Variants in PDE1A observed in about 807,000 individuals in gnomAD.
PDE1A encodes dual specificity calcium/calmodulin-dependent 3',5'-cyclic nucleotide phosphodiesterase 1A.
Under a neutral mutation model 61.7 loss-of-function variants are expected in PDE1A, and 35 were observed. That is an observed-to-expected ratio of 0.57 (90% confidence interval 0.43 to 0.75). The LOEUF (loss-of-function observed/expected upper bound fraction) is 0.75, where lower values mean the gene tolerates loss of function less well. PDE1A is among the 30% of genes least tolerant of loss of function. The probability of loss-of-function intolerance (pLI) is 0.00; values close to 1 mark genes in which losing one functional copy is unlikely to be tolerated. For synonymous variants in PDE1A, 232 were observed against 213.2 expected (o/e 1.09, Z -0.77); for missense variants, 597 against 630.6 (o/e 0.95, Z 0.57).
the PDE1A span, among the ~76,000 whole-genome samples, chr2:182,645,593 T>A: frequency 3.3e-5 from 5 of 152,118 alleles, no homozygotes; most frequent in Admixed American, 2.0e-4. Flanking sequence ...GATATTCAGA[T>A]AATAATGAAA....
chr2:182,542,458 T>C, the PDE1A span, among the ~76,000 whole-genome samples: 53 of 152,314 alleles, frequency 3.5e-4, 1 homozygote, highest in African/African-American at 1.3e-3. Flanking sequence ...ATATCTTGCA[T>C]TCTGTATGAA....
At chr2:182,366,775 T>C (rs1310228802) in intron 1 of PDE1A, among the ~76,000 whole-genome samples, 1 of 152,052 alleles carries the variant, frequency 6.6e-6, no homozygotes, top group African/African-American at 2.4e-5. Context: ...CTGCTAATGT[T>C]CTTCAGTCCA....
intron 1 of PDE1A, among the ~76,000 whole-genome samples, chr2:182,304,588 C>T (rs559949595): frequency 6.6e-6 from 1 of 152,266 alleles, no homozygotes; most frequent in South Asian, 2.1e-4. Flanking sequence ...ATCTGACTTC[C>T]TTTTACTTGA....
the PDE1A span, among the ~76,000 whole-genome samples, chr2:182,601,561 C>G: frequency 0.21 from 31,205 of 152,090 alleles, 3,437 homozygotes; most frequent in Middle Eastern, 0.33. Flanking sequence ...TGTCCTGTGA[C>G]CAGGAAGAAT....
At chr2:182,642,404 T>C in the PDE1A span, among the ~76,000 whole-genome samples, 4 of 152,144 alleles carry the variant, frequency 2.6e-5, no homozygotes, top group African/African-American at 9.7e-5. Context: ...TCAGACAGGA[T>C]TTGAAATGGC....
chr2:182,325,530 C>T (rs1696980337), intron 1 of PDE1A, among the ~76,000 whole-genome samples: 1 of 152,058 alleles, frequency 6.6e-6, no homozygotes, highest in Admixed American at 6.6e-5. Context: ...AAAAAAGCAA[C>T]TCAAAGAATT....
At chr2:182,244,379 A>G in intron 2 of PDE1A, among the ~76,000 whole-genome samples, 1 of 151,428 alleles carries the variant, frequency 6.6e-6, no homozygotes. Context: ...AAAAAACTTT[A>G]AAGTATTTTA....
chr2:182,391,286 G>C (rs991896067), intron 1 of PDE1A, among the ~76,000 whole-genome samples: 7 of 152,012 alleles, frequency 4.6e-5, no homozygotes, highest in African/African-American at 1.7e-4. Flanking sequence ...CTCCTTAGAG[G>C]GCCCATATCT....
chr2:182,642,047 C>T, the PDE1A span, among the ~76,000 whole-genome samples: 4 of 152,258 alleles, frequency 2.6e-5, no homozygotes, highest in African/African-American at 4.8e-5. Context: ...AAAGTTTTCA[C>T]GGAAAGGTTT....
chr2:182,413,588 G>A (rs1244719182), intron 1 of PDE1A, among the ~76,000 whole-genome samples: 1 of 152,194 alleles, frequency 6.6e-6, no homozygotes, highest in Non-Finnish European at 1.5e-5. Context: ...TTTCAACAAA[G>A]AGGCTCAAAG....
chr2:182,231,274 G>A lies in PDE1A; in HGVS notation c.418-143C>T, dbSNP rs1689556857. On this transcript the variant is annotated intron_variant, in intron 4 of 13. Coordinates refer to ENST00000351439, the Ensembl canonical transcript of PDE1A. ...CTACACTTTGACCAGAGTTTCATAGGACAGGACCACTTAGTATCCATGGGT... is the reference window on the plus strand; with the variant it reads ...CTACACTTTGACCAGAGTTTCATAGAACAGGACCACTTAGTATCCATGGGT... The A allele has an allele frequency of 9.6e-6, 6 of 626,432 alleles. No individual in the cohort carries two copies. In the South Asian group the frequency reaches 1.2e-4, roughly 12 times the overall value. 38.8% of individuals were successfully genotyped at this position (626,432 alleles called of 1,614,324 possible).
chr2:182,243,105 T>TA (rs1183959687), intron 2 of PDE1A, among the ~76,000 whole-genome samples: 1 of 152,114 alleles, frequency 6.6e-6, no homozygotes, highest in Non-Finnish European at 1.5e-5. Flanking sequence ...ATTTCTCATG[T>TA]AAAAATCCTA....
At chr2:182,689,124 C>A in the PDE1A span, among the ~76,000 whole-genome samples, 438 of 152,302 alleles carry the variant, frequency 2.9e-3, 3 homozygotes, top group African/African-American at 0.01. Flanking sequence ...ATCAGCGAGA[C>A]AGAAAGTTAA....
intron 1 of PDE1A, among the ~76,000 whole-genome samples, chr2:182,322,932 G>A (rs927255343): frequency 6.6e-6 from 1 of 152,224 alleles, no homozygotes; most frequent in East Asian, 1.9e-4. Context: ...TTAATTACAT[G>A]TTAGTTGATT....
chr2:182,418,726 C>T (rs916194136), intron 1 of PDE1A, among the ~76,000 whole-genome samples: 3 of 152,174 alleles, frequency 2.0e-5, no homozygotes, highest in East Asian at 1.9e-4. Flanking sequence ...GGCTTGGCCA[C>T]GTGGCTTTTT....
intron 1 of PDE1A, among the ~76,000 whole-genome samples, chr2:182,321,602 G>C (rs545965807): frequency 6.6e-6 from 1 of 152,202 alleles, no homozygotes; most frequent in African/African-American, 2.4e-5. Context: ...CTTTGACAAG[G>C]AGTAAAATGA....
chr2:182,663,095 G>C, the PDE1A span, among the ~76,000 whole-genome samples: 1 of 152,218 alleles, frequency 6.6e-6, no homozygotes, highest in Admixed American at 6.5e-5. Context: ...CAACATTACC[G>C]ATCAATAGAG....
At chr2:182,159,247 C>T (rs1691251138) in intron 13 of PDE1A, among the ~76,000 whole-genome samples, 1 of 152,098 alleles carries the variant, frequency 6.6e-6, no homozygotes, top group Admixed American at 6.6e-5. Context: ...GGTTCTGTGA[C>T]AGGTATATGA....
chr2:182,415,238 C>G (rs1363727918), intron 1 of PDE1A, among the ~76,000 whole-genome samples: 1 of 152,032 alleles, frequency 6.6e-6, no homozygotes, highest in Non-Finnish European at 1.5e-5. Context: ...AATATGTTTT[C>G]TCTTCAGAAA....
Sources: gnomAD v4.1 joint callset for allele counts (sites outside exome capture counted in the v4.1 genomes callset) on GRCh38, gnomAD v4.1.1 for gene constraint, MANE v1.5 for transcripts, NCBI Gene and HGNC (gene_info 2026-07-23, HGNC 2026-07-21) for gene names.